USP32: variants seen among roughly 807,000 people sequenced by gnomAD.
USP32 encodes ubiquitin carboxyl-terminal hydrolase 32.
A neutral mutation model predicts 204.8 loss-of-function variants in USP32; 59 were observed. That is an observed-to-expected ratio of 0.29 (90% confidence interval 0.23 to 0.36). The LOEUF (loss-of-function observed/expected upper bound fraction) is 0.36, where lower values mean the gene tolerates loss of function less well. Ranked by LOEUF, USP32 falls within the 10% of genes least tolerant of loss-of-function variation. USP32 has a pLI of 1.00. For synonymous variants in USP32, 517 were observed against 678.4 expected, an observed-to-expected ratio of 0.76 and a Z score of 3.70; for missense variants, 1,160 against 1,946.4, an observed-to-expected ratio of 0.60 and a Z score of 7.60.
At chr17:60,358,302 T>C (rs73320758) in intron 1 of USP32, among the ~76,000 whole-genome samples, 6,749 of 152,158 alleles carry the variant, frequency 0.044, 538 homozygotes, top group African/African-American at 0.15. Context: ...AGGCTGGGCA[T>C]GGTACCTCAC....
intron 2 of USP32, among the ~76,000 whole-genome samples, chr17:60,303,890 G>A (rs964529158): frequency 6.6e-6 from 1 of 151,982 alleles, no homozygotes; most frequent in Non-Finnish European, 1.5e-5. Context: ...AGCGGGCAGG[G>A]GAAGGTAGAC....
intron 3 of USP32, among the ~76,000 whole-genome samples, chr17:60,301,208 A>G (rs2087565084): frequency 6.6e-6 from 1 of 152,196 alleles, no homozygotes; most frequent in South Asian, 2.1e-4. Context: ...TTTCTTGGGT[A>G]CAAACTTAGG....
intron 1 of USP32, among the ~76,000 whole-genome samples, chr17:60,350,499 G>A (rs1222960266): frequency 6.6e-6 from 1 of 152,238 alleles, no homozygotes; most frequent in Non-Finnish European, 1.5e-5. Flanking sequence ...ACGTTGGCCA[G>A]GCTGGTCTCA....
intron 9 of USP32, among the ~76,000 whole-genome samples, chr17:60,262,647 C>G (rs190570191): frequency 1.4e-4 from 21 of 152,220 alleles, no homozygotes; most frequent in Non-Finnish European, 2.1e-4. Flanking sequence ...CAAGGCCCTT[C>G]AAGATACGTC....
chr17:60,401,261 T>C (rs1021936451), intron 1 of USP32, among the ~76,000 whole-genome samples: 2 of 151,752 alleles, frequency 1.3e-5, no homozygotes, highest in Non-Finnish European at 2.9e-5. Context: ...TCCCAGCTAC[T>C]CAGGAGGCTG....
chr17:60,357,989 G>A (rs896570566), intron 1 of USP32, among the ~76,000 whole-genome samples: 5 of 151,654 alleles, frequency 3.3e-5, no homozygotes, highest in Admixed American at 2.0e-4. Context: ...GGCTGGTCTC[G>A]AACTCCTGAC....
At chr17:60,336,320 T>C (rs896294207) in intron 2 of USP32, among the ~76,000 whole-genome samples, 1 of 143,186 alleles carries the variant, frequency 7.0e-6, no homozygotes, top group African/African-American at 3.0e-5. Flanking sequence ...ATAATGCACA[T>C]ATTTTTTAAA....
intron 1 of USP32, among the ~76,000 whole-genome samples, chr17:60,397,550 T>G (rs2089908362): frequency 1.3e-5 from 2 of 152,124 alleles, no homozygotes; most frequent in Non-Finnish European, 2.9e-5. Context: ...TTTATAGAGA[T>G]GGGGTGTTGT....
chr17:60,240,493 GGA>G (rs60249054), intron 11 of USP32, among the ~76,000 whole-genome samples: 20,113 of 146,238 alleles, frequency 0.14, 2,809 homozygotes, highest in African/African-American at 0.38. Context: ...GAGAAAAAAG[GGA>G]GAGAGAGAGA....
chr17:60,196,227 C>T (rs1362781123), intron 27 of USP32, among the ~76,000 whole-genome samples: 1 of 149,710 alleles, frequency 6.7e-6, no homozygotes, highest in Non-Finnish European at 1.5e-5. Context: ...GATCATGCCA[C>T]TGCACTCCAG....
chr17:60,276,286 T>C (rs1347881902), intron 5 of USP32, among the ~76,000 whole-genome samples: 12 of 152,182 alleles, frequency 7.9e-5, no homozygotes. Context: ...AATGCTGAAG[T>C]ATCTACTTCA....
At chr17:60,247,369 A>G (rs1226826310) in intron 11 of USP32, among the ~76,000 whole-genome samples, 2 of 151,892 alleles carry the variant, frequency 1.3e-5, no homozygotes, top group African/African-American at 4.8e-5. Context: ...GAGTAGAGAT[A>G]GGGTTTCACC....
At chr17:60,335,055 A>T (rs1364422799) in intron 2 of USP32, among the ~76,000 whole-genome samples, 1 of 142,764 alleles carries the variant, frequency 7.0e-6, no homozygotes, top group Non-Finnish European at 1.5e-5. Context: ...TGATCACTGC[A>T]GCCTCAATCT....
At chr17:60,225,045 A>T (rs760160278) in intron 13 of USP32, among the ~76,000 whole-genome samples, 1 of 152,220 alleles carries the variant, frequency 6.6e-6, no homozygotes, top group Non-Finnish European at 1.5e-5. Context: ...GGTGCATTTA[A>T]TTTAATTATG....
chr17:60,189,941 T>C (rs1320106288), intron 29 of USP32, among the ~76,000 whole-genome samples: 2 of 152,262 alleles, frequency 1.3e-5, no homozygotes, highest in Non-Finnish European at 2.9e-5. Context: ...ATGCCTGCTA[T>C]AGTTTGGACA....
At position 60,211,396 on chromosome 17, in the gene USP32, T is replaced by A. The variant is rs1327127923; in HGVS notation, c.2298A>T (p.Arg766Ser). Reference sequence around the variant, plus strand: ...ATTACCTGTTGAGTTCATAAAGATGTCTCCCTGAGATAAAATACTGTGTCA... The same window carrying A: ...ATTACCTGTTGAGTTCATAAAGATGACTCCCTGAGATAAAATACTGTGTCA... ...QPLTQYFISGRHLYELNRTNP... is the reference protein window; with the variant it reads ...QPLTQYFISGSHLYELNRTNP... The change falls in exon 20 of 34, where the codon AGA becomes AGT. Residue 766 changes from arginine (R) to serine (S), a missense_variant. Physicochemically the swap from Arg to Ser is moderately radical, Grantham distance 110. Around this residue, in one of 8 missense-constraint regions of USP32, gnomAD observed 132 missense variants for 432.8 expected, o/e 0.30. Transcript: ENST00000300896. 1.2e-6 allele frequency: 2 copies of A among 1,612,278 alleles called. No homozygotes were observed. The highest frequency in any genetic ancestry group is 2.7e-5 in the African/African-American group (2 of 74,856).
Position 60,226,020 on chromosome 17 carries a change from G to C in USP32, c.1432+19C>G, listed in dbSNP as rs749284778. 3 of 1,577,318 alleles carry C rather than the reference G, an allele frequency of 1.9e-6. No individual in the cohort carries two copies. Among genetic ancestry groups the C allele is most frequent in the Non-Finnish European group, 2.6e-6 (3 of 1,168,298 alleles). ...GGGGGAATAAACCAATAAACCTCAG[G>C]GGAATAGGTCATATTTACCGCTGCC... On this transcript the variant is annotated intron_variant, in intron 13 of 33. Coordinates refer to ENST00000300896, the MANE Select transcript of USP32 (RefSeq NM_032582.4).
At chr17:60,245,545 AG>A (rs1480547182) in intron 11 of USP32, 1 of 306,408 alleles carries the variant, frequency 3.3e-6, no homozygotes, top group Non-Finnish European at 6.2e-6. Flanking sequence ...GGTTTCTGTC[AG>A]TTACACTTAG....
chr17:60,386,339 AACT>A (rs1320917251), intron 1 of USP32, among the ~76,000 whole-genome samples: 1 of 150,030 alleles, frequency 6.7e-6, no homozygotes, highest in Non-Finnish European at 1.5e-5. Context: ...TACACTATCC[AACT>A]ACTAATTTTT....
Sources: gnomAD v4.1 joint callset for allele counts (sites outside exome capture counted in the v4.1 genomes callset) on GRCh38, gnomAD v4.1.1 for gene constraint, gnomAD v4.1.1 regional missense constraint, MANE v1.5 for transcripts, NCBI Gene and HGNC (gene_info 2026-07-23, HGNC 2026-07-21) for gene names.